The following CHRNA7 variants were observed in gnomAD, a reference collection of about 807,000 sequenced individuals.
CHRNA7 encodes the protein neuronal acetylcholine receptor subunit alpha-7.
A neutral mutation model predicts 48.0 loss-of-function variants in CHRNA7; 17 were observed. The observed-to-expected ratio is 0.35, with a 90% CI of 0.24 to 0.53. The LOEUF (loss-of-function observed/expected upper bound fraction) is 0.53, where lower values mean the gene tolerates loss of function less well. Among genes scored for constraint, CHRNA7 ranks in the 20% least tolerant of loss-of-function variants. CHRNA7 has a pLI of 0.92. For synonymous variants in CHRNA7, 75 were observed against 242.3 expected, an observed-to-expected ratio of 0.31 and a Z score of 6.41; for missense variants, 155 against 577.7, an observed-to-expected ratio of 0.27 and a Z score of 7.50.
chr15:32,063,276 A>G (rs959389003), intron 2 of CHRNA7, among the ~76,000 whole-genome samples: 116 of 152,294 alleles, frequency 7.6e-4, no homozygotes, highest in African/African-American at 2.8e-3. Flanking sequence ...TATGACAGCT[A>G]TGACATCACT....
At chr15:32,125,597 G>A in intron 4 of CHRNA7, among the ~76,000 whole-genome samples, 1 of 152,324 alleles carries the variant, frequency 6.6e-6, no homozygotes, top group East Asian at 1.9e-4. Context: ...GCTGCTCAGG[G>A]AGTTCTTAGA....
chr15:32,032,520 T>C (rs1236333087), intron 2 of CHRNA7, among the ~76,000 whole-genome samples: 1 of 152,178 alleles, frequency 6.6e-6, no homozygotes, highest in African/African-American at 2.4e-5. Flanking sequence ...AAGCTAGATA[T>C]GTGATTATGG....
chr15:32,030,966 A>G lies in CHRNA7; in HGVS notation c.124A>G (p.Arg42Gly). ...ELVKNYNPLE[R>G]PVANDSQPLT... ...GGTCAAGAACTACAATCCCTTGGAG[A>G]GGCCCGTGGCCAATGACTCGCAACC... Residue 42 changes from arginine (R) to glycine (G), a missense_variant, in exon 2 of 10, where the codon AGG (arginine) becomes GGG (glycine). Arg to Gly is a moderately radical substitution (Grantham distance 125). Coordinates refer to ENST00000306901, the MANE Select transcript of CHRNA7 (RefSeq NM_000746.6). 1 of 1,614,186 alleles carries G rather than the reference A, an allele frequency of 6.2e-7. No individual in the cohort carries two copies. Among genetic ancestry groups the G allele is most frequent in the Non-Finnish European group, 8.5e-7 (1 of 1,180,014 alleles).
chr15:32,066,994 G>GA (rs138350855), intron 2 of CHRNA7, among the ~76,000 whole-genome samples: 1 of 151,608 alleles, frequency 6.6e-6, no homozygotes, highest in African/African-American at 2.4e-5. Flanking sequence ...GAATAACTGA[G>GA]AAAAAAAATG....
chr15:32,133,016 G>A (rs1427421125), intron 4 of CHRNA7, among the ~76,000 whole-genome samples: 6 of 152,166 alleles, frequency 3.9e-5, no homozygotes, highest in Non-Finnish European at 8.8e-5. Context: ...TTGTGTAGGA[G>A]GCTCTCAAGG....
intron 4 of CHRNA7, among the ~76,000 whole-genome samples, chr15:32,131,774 G>A (rs1211518848): frequency 1.3e-5 from 2 of 152,100 alleles, no homozygotes; most frequent in African/African-American, 4.8e-5. Flanking sequence ...GGGTATTATT[G>A]TTTGAGACTC....
chr15:32,033,994 C>A (rs921357073), intron 2 of CHRNA7, among the ~76,000 whole-genome samples: 2 of 152,206 alleles, frequency 1.3e-5, no homozygotes, highest in African/African-American at 4.8e-5. Context: ...TAGACTTTGA[C>A]AAATTCTGAG....
intron 2 of CHRNA7, among the ~76,000 whole-genome samples, chr15:32,045,914 T>C (rs536081184): frequency 6.7e-6 from 1 of 149,044 alleles, no homozygotes; most frequent in African/African-American, 2.5e-5. Flanking sequence ...TGAGAACATG[T>C]GGTGTTTGGT....
chr15:32,109,267 A>T (rs2050723716), intron 3 of CHRNA7, among the ~76,000 whole-genome samples: 1 of 152,078 alleles, frequency 6.6e-6, no homozygotes, highest in African/African-American at 2.4e-5. Context: ...CTAAACTGTC[A>T]TGGAGCTGGT....
At chr15:32,115,399 C>T (rs1459414196) in intron 4 of CHRNA7, among the ~76,000 whole-genome samples, 2 of 152,118 alleles carry the variant, frequency 1.3e-5, no homozygotes, top group Non-Finnish European at 2.9e-5. Flanking sequence ...CTAAACAAGA[C>T]AGATCTTGTC....
intron 2 of CHRNA7, among the ~76,000 whole-genome samples, chr15:32,045,380 T>G (rs1285188516): frequency 6.6e-6 from 1 of 152,152 alleles, no homozygotes; most frequent in African/African-American, 2.4e-5. Context: ...AGCCACCCCA[T>G]GGGTACCAGC....
intron 4 of CHRNA7, among the ~76,000 whole-genome samples, chr15:32,119,235 A>G (rs1270239887): frequency 2.0e-5 from 3 of 152,212 alleles, no homozygotes; most frequent in African/African-American, 7.2e-5. Context: ...GATTCAGATC[A>G]GTGTGCCTGG....
At chr15:32,106,160 G>A (rs1035576700) in intron 3 of CHRNA7, among the ~76,000 whole-genome samples, 4 of 152,118 alleles carry the variant, frequency 2.6e-5, no homozygotes, top group Non-Finnish European at 4.4e-5. Context: ...GTGAAGCTGG[G>A]TACTGAAGGC....
chr15:32,145,315 G>A (rs566071593), intron 4 of CHRNA7, among the ~76,000 whole-genome samples: 4 of 152,258 alleles, frequency 2.6e-5, no homozygotes, highest in African/African-American at 7.2e-5. Flanking sequence ...GCACCCACCT[G>A]TATGAGGTGT....
chr15:32,130,595 C>T (rs1437415330), intron 4 of CHRNA7, among the ~76,000 whole-genome samples: 4 of 149,924 alleles, frequency 2.7e-5, no homozygotes, highest in Admixed American at 6.6e-5. Flanking sequence ...ATGTACTTAA[C>T]TTTTTTTTAG....
At chr15:32,103,907 A>T (rs1355665147) in intron 3 of CHRNA7, among the ~76,000 whole-genome samples, 1 of 152,154 alleles carries the variant, frequency 6.6e-6, no homozygotes, top group Non-Finnish European at 1.5e-5. Context: ...TGGCAGCTTG[A>T]CCTGCAAAAC....
chr15:32,048,765 G>A (rs968128934), intron 2 of CHRNA7, among the ~76,000 whole-genome samples: 68 of 151,832 alleles, frequency 4.5e-4, no homozygotes, highest in Non-Finnish European at 8.8e-4. Context: ...TGCTGTTAGG[G>A]TGTCAATTTT....
At chr15:32,106,092 G>A (rs1390234874) in intron 3 of CHRNA7, among the ~76,000 whole-genome samples, 2 of 152,164 alleles carry the variant, frequency 1.3e-5, no homozygotes, top group Non-Finnish European at 2.9e-5. Context: ...TGCTGTTCTT[G>A]TGTTCCCTGG....
intron 2 of CHRNA7, among the ~76,000 whole-genome samples, chr15:32,085,974 T>C (rs951558062): frequency 6.6e-6 from 1 of 152,222 alleles, no homozygotes; most frequent in Admixed American, 6.5e-5. Flanking sequence ...TTCTTTTTCA[T>C]ATTCTATCGT....
Sources: gnomAD v4.1 joint callset for allele counts (sites outside exome capture counted in the v4.1 genomes callset) on GRCh38, gnomAD v4.1.1 for gene constraint, MANE v1.5 for transcripts, NCBI Gene and HGNC (gene_info 2026-07-23, HGNC 2026-07-21) for gene names.